Variants in DZIP1L observed in about 807,000 individuals in gnomAD.
DZIP1L encodes DAZ interacting zinc finger protein 1 like, also known as cilium assembly protein DZIP1L.
DZIP1L carries 90 observed loss-of-function variants against 88.7 expected under a neutral mutation model. The observed-to-expected ratio is 1.02, with a 90% confidence interval of 0.86 to 1.21. DZIP1L has a LOEUF of 1.21. Ranked by LOEUF, DZIP1L falls within the 50% of genes most tolerant of loss-of-function variation. The pLI is 0.00. For missense variants in DZIP1L, 932 were observed against 955.8 expected (o/e 0.98, Z 0.33); for synonymous variants, 363 against 372.1 (o/e 0.98, Z 0.28).
At chr3:138,089,682 T>G (rs1414395738) in intron 5 of DZIP1L, among the ~76,000 whole-genome samples, 2 of 152,224 alleles carry the variant, frequency 1.3e-5, no homozygotes, top group South Asian at 2.1e-4. Context: ...CCTTAAAATT[T>G]TTTAAAAATA....
rs1943459757 is a variant in DZIP1L at position 138,077,353 on chromosome 3, C to T, written c.1422+146G>A. ...CACTGCCGCTGTGAAGTGAGAAAGG[C>T]GTGCAGATGCCAGAGGAGCCCGGGC... is the stretch of plus-strand genomic sequence containing the variant. On this transcript the variant is annotated intron_variant, in intron 11 of 15. Coordinates refer to ENST00000327532, the MANE Select transcript of DZIP1L (RefSeq NM_173543.3). The T allele has an allele frequency of 1.1e-5, 13 of 1,151,548 alleles. No homozygotes were observed. The South Asian group carries it at 1.2e-4, about 10-fold the overall frequency. The allele number at this position is 1,151,548 out of a possible 1,614,324, so 71.3% of individuals were successfully genotyped here.
chr3:138,101,977 T>C (rs2042332805), intron 2 of DZIP1L: 2 of 1,540,504 alleles, frequency 1.3e-6, no homozygotes, highest in Non-Finnish European at 8.9e-7. Flanking sequence ...AGCCGGCTGA[T>C]GTTCTGGTTC....
rs758649407 is a variant in DZIP1L, at chr3:138,097,743, G to C, written c.586+20C>G. 1 of 1,600,190 alleles carries C rather than the reference G, an allele frequency of 6.2e-7. No individual in the cohort carries two copies. The highest frequency in any genetic ancestry group is 1.3e-5 in the African/African-American group (1 of 74,736). On this transcript the variant is annotated intron_variant, in intron 3 of 15. Transcript: ENST00000327532. ...CTTTCCACAGTCCCAGAAGGGGCCCGGGCTGCTGTCTGGACTCACCACCTT... is the reference window on the plus strand; with the variant it reads ...CTTTCCACAGTCCCAGAAGGGGCCCCGGCTGCTGTCTGGACTCACCACCTT...
At position 138,103,925 on chromosome 3, in the gene DZIP1L, A is replaced by T; in HGVS notation, c.47T>A (p.Phe16Tyr). 1 of 1,613,480 alleles carries T rather than the reference A, an allele frequency of 6.2e-7. No individual in the cohort carries two copies. Residue 16 changes from phenylalanine to tyrosine, a missense_variant, in exon 2 of 16, where the codon TTT (phenylalanine) becomes TAT (tyrosine). By Grantham distance (22) the Phe-to-Tyr change is conservative. Transcript: ENST00000327532. The part of the protein sequence containing the change: ...ATAEGLSGPL[F>Y]GAYTFPTFKF... ...GAAGGTGGGGAACGTGTAGGCCCCAAAGAGGGGGCCACTGAGGCCCTCAGC... is the reference window on the plus strand; with the variant it reads ...GAAGGTGGGGAACGTGTAGGCCCCATAGAGGGGGCCACTGAGGCCCTCAGC...
chr3:138,099,725 C>T (rs1298525342), intron 2 of DZIP1L, among the ~76,000 whole-genome samples: 1 of 152,018 alleles, frequency 6.6e-6, no homozygotes, highest in African/African-American at 2.4e-5. Flanking sequence ...TTAGAAAGAG[C>T]CTGGCATTCC....
At chr3:138,073,658 C>G (rs1943276235) in intron 11 of DZIP1L, among the ~76,000 whole-genome samples, 1 of 152,098 alleles carries the variant, frequency 6.6e-6, no homozygotes, top group Non-Finnish European at 1.5e-5. Context: ...AGACAAGGTT[C>G]TTTAACACCC....
chr3:138,103,712 A>G lies in DZIP1L; in HGVS notation c.260T>C (p.Leu87Pro). 6.2e-7 allele frequency: 1 copy of G among 1,613,238 alleles called. No individual in the cohort carries two copies. The highest frequency in any genetic ancestry group is 8.5e-7 in the Non-Finnish European group (1 of 1,180,026). ...CTCAATGATGAGCTGCGCCAGGCGC[A>G]GCACCTTGAGCAGTGCCGGGTCCAC... ...QPVDPALLKV[L>P]RLAQLIIEYL... The change falls in exon 2 of 16, where the codon CTG (leucine) becomes CCG (proline). Residue 87 changes from leucine to proline, a missense_variant. Coordinates refer to ENST00000327532, the MANE Select transcript of DZIP1L (RefSeq NM_173543.3).
intron 6 of DZIP1L, among the ~76,000 whole-genome samples, chr3:138,087,658 A>G (rs2622717): frequency 0.63 from 96,523 of 152,124 alleles, 31,316 homozygotes; most frequent in Non-Finnish European, 0.7. Flanking sequence ...GAAACCTGTC[A>G]AACATCAATC....
Position 138,067,547 on chromosome 3 carries a change from G to T in DZIP1L, c.1986C>A (p.Pro662=). Residue 662 remains proline (P), a synonymous_variant, in exon 14 of 16, where the codon CCC becomes CCA. Transcript: ENST00000327532. ...CCAGCTCACCTGAGCCCTGGCCAGG[G>T]GGCTGGGCATTCTCCTCCGAGGTCT... ...DTETSEENAQ[P]PGQGSGTLVQ... is the part of the protein sequence containing the mutation. 1 of 1,607,774 alleles carries T rather than the reference G, an allele frequency of 6.2e-7. No individual in the cohort carries two copies. Among genetic ancestry groups the T allele is most frequent in the Non-Finnish European group, 8.5e-7 (1 of 1,177,290 alleles).
intron 11 of DZIP1L, among the ~76,000 whole-genome samples, chr3:138,074,593 T>C (rs1943319536): frequency 6.6e-6 from 1 of 152,200 alleles, no homozygotes. Context: ...TATTTTTTTA[T>C]TATACTTTAA....
At chr3:138,097,947 G>T in intron 2 of DZIP1L, 100 bp from the exon 3 acceptor site, 1 of 969,686 alleles carries the variant, frequency 1.0e-6, no homozygotes. Flanking sequence ...GGACCCCTGG[G>T]CTGCTTCAGA....
At chr3:138,071,367 C>G (rs1943170150) in intron 12 of DZIP1L, among the ~76,000 whole-genome samples, 1 of 152,202 alleles carries the variant, frequency 6.6e-6, no homozygotes, top group Non-Finnish European at 1.5e-5. Context: ...CATGTCTGCA[C>G]AGGGACAGTT....
chr3:138,095,408 G>A (rs1944422873), intron 3 of DZIP1L, among the ~76,000 whole-genome samples: 1 of 150,904 alleles, frequency 6.6e-6, no homozygotes, highest in Non-Finnish European at 1.5e-5. Flanking sequence ...CATGTATCCT[G>A]ACAGTAATCA....
Position 138,067,713 on chromosome 3 carries a change from G to A in DZIP1L, c.1833-13C>T, listed in dbSNP as rs1053125047. ...GAACGGGGGCGTGCTGCCACGAGGA[G>A]GAGAAGAAATGAGGGATGCATGGGC... On this transcript the variant is annotated splice_polypyrimidine_tract_variant and intron_variant, in intron 13 of 15. Transcript: ENST00000327532. 6.5e-6 allele frequency: 10 copies of A among 1,537,098 alleles called. No individual in the cohort carries two copies. In the African/African-American group the frequency reaches 1.1e-4, roughly 17 times the overall value.
At chr3:138,094,080 T>C (rs968705498) in intron 4 of DZIP1L, among the ~76,000 whole-genome samples, 6 of 152,230 alleles carry the variant, frequency 3.9e-5, no homozygotes, top group Non-Finnish European at 8.8e-5. Flanking sequence ...TGATTTAAAG[T>C]GAGAGATGTT....
At chr3:138,076,800 T>A (rs1196884795) in intron 11 of DZIP1L, among the ~76,000 whole-genome samples, 2 of 152,110 alleles carry the variant, frequency 1.3e-5, no homozygotes, top group African/African-American at 4.8e-5. Context: ...ACACACTGGG[T>A]ACAGTGTATA....
At chr3:138,111,774 C>A (rs2042624222) in intron 1 of DZIP1L, among the ~76,000 whole-genome samples, 1 of 152,126 alleles carries the variant, frequency 6.6e-6, no homozygotes, top group East Asian at 1.9e-4. Flanking sequence ...ACAGGCGGAT[C>A]ACCTGAGGTC....
At chr3:138,073,019 A>C (rs960516654) in intron 11 of DZIP1L, among the ~76,000 whole-genome samples, 20 of 152,024 alleles carry the variant, frequency 1.3e-4, no homozygotes, top group Non-Finnish European at 2.5e-4. Flanking sequence ...AGCAAGCCAC[A>C]CCCAAGGAGA....
At chr3:138,094,133 C>A (rs1231310106) in intron 4 of DZIP1L, among the ~76,000 whole-genome samples, 1 of 152,150 alleles carries the variant, frequency 6.6e-6, no homozygotes, top group East Asian at 1.9e-4. Flanking sequence ...CACCCCAAAA[C>A]AATTACAATA....
Sources: allele counts gnomAD v4.1 joint callset (sites outside exome capture counted in the v4.1 genomes callset), GRCh38; gene constraint gnomAD v4.1.1; transcripts MANE v1.5; gene names NCBI Gene and HGNC (gene_info 2026-07-23, HGNC 2026-07-21).